Variants in PLBD1 observed in about 807,000 individuals in gnomAD.
The protein encoded by PLBD1 is lysosomal leucine aminopeptidase.
Under a neutral mutation model 63.0 loss-of-function variants are expected in PLBD1, and 60 were observed. That is an observed-to-expected ratio of 0.95 (90% CI 0.77 to 1.18). PLBD1 has a LOEUF of 1.18. Among genes scored for constraint, PLBD1 ranks in the 50% most tolerant of loss-of-function variants. PLBD1 has a pLI of 0.00. For missense variants in PLBD1, 598 were observed against 677.9 expected, an observed-to-expected ratio of 0.88 and a Z score of 1.31; for synonymous variants, 262 against 248.0, an observed-to-expected ratio of 1.06 and a Z score of -0.53.
chr12:14,506,580 CAAA>C, intron 9 of PLBD1, among the ~76,000 whole-genome samples: 1 of 151,670 alleles, frequency 6.6e-6, no homozygotes, highest in Non-Finnish European at 1.5e-5. Context: ...GCTGTTCATA[CAAA>C]AAAAATGAGG....
At chr12:14,550,083 AG>A (rs1483492906) in intron 2 of PLBD1, among the ~76,000 whole-genome samples, 2 of 152,162 alleles carry the variant, frequency 1.3e-5, no homozygotes, top group African/African-American at 2.4e-5. Context: ...AGCCAAACGC[AG>A]TAGTTCTCTT....
chr12:14,531,930 TA>T lies in PLBD1; in HGVS notation c.844+3728del, dbSNP rs557469739. On this transcript the variant is annotated intron_variant, in intron 6 of 10. Coordinates refer to ENST00000240617, the MANE Select transcript of PLBD1 (RefSeq NM_024829.6). ...CAGGCATGAGCCTGCTTAGCCTGTTTAAATGTTAAGTGCATGTATTTGAAAG... is the reference window on the plus strand; with the variant it reads ...CAGGCATGAGCCTGCTTAGCCTGTTTAATGTTAAGTGCATGTATTTGAAAG... Among the ~76,000 whole-genome samples the T allele has an allele frequency of 1.9e-3, 296 of 152,342 alleles. 1 individual carries two copies. The highest frequency in any genetic ancestry group is 3.0e-3 in the Non-Finnish European group (204 of 68,032).
Position 14,540,106 on chromosome 12 carries a change from T to TTTTTTATA in PLBD1, c.558+657_558+658insTATAAAAA, listed in dbSNP as rs71448876. Among the ~76,000 whole-genome samples the TTTTTTATA allele has an allele frequency of 3.4e-3, 216 of 64,032 alleles. 11 individuals carry two copies. The highest frequency in any genetic ancestry group is 0.012 in the African/African-American group (207 of 17,106). The allele number at this position is 64,032 out of a possible 152,430, so 42.0% of individuals were successfully genotyped here. On this transcript the variant is annotated intron_variant, in intron 4 of 10. Coordinates refer to ENST00000240617, the MANE Select transcript of PLBD1 (RefSeq NM_024829.6). ...AAAAGAGAGTTATATAATATAAATA[T>TTTTTTATA]TATTTATATATATATATATATATAT... is the stretch of plus-strand genomic sequence containing the variant.
At position 14,506,285 on chromosome 12, in the gene PLBD1, G is replaced by T; in HGVS notation, c.1373-17C>A. 2 of 1,538,338 alleles carry T rather than the reference G, an allele frequency of 1.3e-6. No individual in the cohort carries two copies. The highest frequency in any genetic ancestry group is 1.8e-6 in the Non-Finnish European group (2 of 1,113,696). On this transcript the variant is annotated splice_polypyrimidine_tract_variant and intron_variant, in intron 9 of 10. Transcript: ENST00000240617. ...TCTTATAATCTAGGAAACAGAAATG[G>T]GGAAGAGAGTGATTATTGGCTATTT...
chr12:14,522,528 G>A (rs553820374), intron 6 of PLBD1, among the ~76,000 whole-genome samples: 13 of 152,002 alleles, frequency 8.6e-5, no homozygotes, highest in Non-Finnish European at 1.6e-4. Flanking sequence ...GCATCACCCC[G>A]ATTCCAAAAC....
At position 14,553,422 on chromosome 12, in the gene PLBD1, A is replaced by C; in HGVS notation, c.116-10T>G. ...GTTGCATAGTAGACTCCTAGAAGAAAAGGGAATAATGACAAAAACGCCATT... is the reference window on the plus strand; with the variant it reads ...GTTGCATAGTAGACTCCTAGAAGAACAGGGAATAATGACAAAAACGCCATT... On this transcript the variant is annotated splice_polypyrimidine_tract_variant and intron_variant, in intron 1 of 10. Coordinates refer to ENST00000240617, the MANE Select transcript of PLBD1 (RefSeq NM_024829.6). 1 of 1,606,928 alleles carries C rather than the reference A, an allele frequency of 6.2e-7. No individual in the cohort carries two copies. The highest frequency in any genetic ancestry group is 8.5e-7 in the Non-Finnish European group (1 of 1,173,930).
chr12:14,507,152 T>C, intron 8 of PLBD1, 34 bp from the exon 9 acceptor site: 2 of 1,493,410 alleles, frequency 1.3e-6, no homozygotes, highest in Non-Finnish European at 9.2e-7. Flanking sequence ...AAGGGAGGGA[T>C]TGACAGGGAA....
At chr12:14,504,004 AAATT>A (rs761566216) in intron 10 of PLBD1, 50 bp from the exon 11 acceptor site, 1 of 1,531,310 alleles carries the variant, frequency 6.5e-7, no homozygotes, top group Middle Eastern at 1.8e-4. Flanking sequence ...GTTCAGCAAA[AAATT>A]AAATCCATGG....
At chr12:14,520,049 A>G (rs1328616188) in intron 6 of PLBD1, among the ~76,000 whole-genome samples, 9 of 152,198 alleles carry the variant, frequency 5.9e-5, no homozygotes, top group Non-Finnish European at 7.3e-5. Flanking sequence ...TGAATGTGGG[A>G]AATGCCAGGG....
In PLBD1 at chr12:14,565,128, T is replaced by C. The variant is rs527376300; in HGVS notation, c.115+2454A>G. On this transcript the variant is annotated intron_variant, in intron 1 of 10. Transcript: ENST00000240617. ...AATTATTTGTCAACTTCTGGAATAA[T>C]AAAACTATAGAGTAACCTTTACAAA... 2.2e-4 allele frequency among the ~76,000 whole-genome samples: 34 copies of C among 152,252 alleles called. 1 individual carries two copies. Among genetic ancestry groups the C allele is most frequent in the Admixed American group, 2.2e-3 (33 of 15,288 alleles).
At chr12:14,518,130 G>C (rs1300484308) in intron 6 of PLBD1, among the ~76,000 whole-genome samples, 2 of 152,156 alleles carry the variant, frequency 1.3e-5, no homozygotes, top group Non-Finnish European at 2.9e-5. Context: ...GCAGTGAGCT[G>C]AGATCACACC....
chr12:14,506,320 C>G (rs1945255938), intron 9 of PLBD1, 52 bp from the exon 10 acceptor site: 1 of 1,314,154 alleles, frequency 7.6e-7, no homozygotes, highest in South Asian at 1.2e-5. Flanking sequence ...TGGAGACACA[C>G]TTCTCCACAG....
rs567357177 is a variant in PLBD1 at position 14,513,589 on chromosome 12, C to T, written c.845-1878G>A. The stretch of plus-strand genomic sequence containing the variant: ...CATGGACTGGGAGTCAGAAGACCTG[C>T]ATTTTAGTTTCCTGCTTGCCTCTAA... On this transcript the variant is annotated intron_variant, in intron 6 of 10. Coordinates refer to ENST00000240617, the MANE Select transcript of PLBD1 (RefSeq NM_024829.6). 1.6e-4 allele frequency among the ~76,000 whole-genome samples: 24 copies of T among 152,276 alleles called. 1 individual carries two copies. The East Asian group carries it at 4.6e-3, about 29-fold the overall frequency.
At chr12:14,551,085 C>T (rs927652150) in intron 2 of PLBD1, among the ~76,000 whole-genome samples, 6 of 151,354 alleles carry the variant, frequency 4.0e-5, no homozygotes, top group African/African-American at 1.2e-4. Flanking sequence ...TTAATACAGG[C>T]CTGGCGTGGT....
At chr12:14,505,648 C>T (rs79143714) in intron 10 of PLBD1, among the ~76,000 whole-genome samples, 3,402 of 152,298 alleles carry the variant, frequency 0.022, 135 homozygotes, top group African/African-American at 0.077. Flanking sequence ...CATTACAGCA[C>T]TTATCAATTC....
chr12:14,548,365 G>A (rs545285507), intron 2 of PLBD1, among the ~76,000 whole-genome samples: 3 of 145,684 alleles, frequency 2.1e-5, no homozygotes, highest in South Asian at 4.5e-4. Context: ...GCTGAGCCTA[G>A]AGAATCGCTT....
At chr12:14,549,161 A>G (rs1170780652) in intron 2 of PLBD1, among the ~76,000 whole-genome samples, 2 of 152,240 alleles carry the variant, frequency 1.3e-5, no homozygotes, top group African/African-American at 4.8e-5. Context: ...TGTTTCTAAT[A>G]GAACTGGAAC....
intron 2 of PLBD1, among the ~76,000 whole-genome samples, chr12:14,548,630 T>G (rs1945634476): frequency 6.6e-6 from 1 of 152,072 alleles, no homozygotes; most frequent in Non-Finnish European, 1.5e-5. Context: ...ACTGACTACT[T>G]TCTCTAATTG....
intron 1 of PLBD1, among the ~76,000 whole-genome samples, chr12:14,562,839 C>A (rs1945751815): frequency 6.6e-6 from 1 of 152,044 alleles, no homozygotes; most frequent in Admixed American, 6.6e-5. Flanking sequence ...ATAGTTAATG[C>A]CTTATAATGT....
Sources: allele counts gnomAD v4.1 joint callset (sites outside exome capture counted in the v4.1 genomes callset), GRCh38; gene constraint gnomAD v4.1.1; transcripts MANE v1.5; gene names NCBI Gene and HGNC (gene_info 2026-07-23, HGNC 2026-07-21).